The following GLG1 variants were observed in gnomAD, a reference collection of about 807,000 sequenced individuals.
GLG1 encodes golgi glycoprotein 1.
Under a neutral mutation model 160.5 loss-of-function variants are expected in GLG1, and 38 were observed. The ratio of observed to expected loss-of-function variants is 0.24; its 90% CI spans 0.18 to 0.31. The LOEUF (loss-of-function observed/expected upper bound fraction) is 0.31, where lower values mean the gene tolerates loss of function less well. Ranked by LOEUF, GLG1 falls within the 10% of genes least tolerant of loss-of-function variation. The pLI is 1.00. For missense variants in GLG1, 1,373 were observed against 1,505.2 expected, an observed-to-expected ratio of 0.91 and a Z score of 1.45; for synonymous variants, 644 against 543.4, an observed-to-expected ratio of 1.19 and a Z score of -2.57.
Position 74,603,984 on chromosome 16 carries a change from T to C in GLG1, c.438+2673A>G, listed in dbSNP as rs1209208199. Among the ~76,000 whole-genome samples, 5 of 138,430 alleles carry C rather than the reference T, an allele frequency of 3.6e-5. No individual in the cohort carries two copies. The Admixed American group carries it at 3.7e-4, about 10-fold the overall frequency. The allele number at this position is 138,430 out of a possible 152,430, so 90.8% of individuals were successfully genotyped here. ...AAAAGCATGACTCATCCGAGAGCGT[T>C]AAAAAAAAAAAAAAAGAATCCCAAG... On this transcript the variant is annotated intron_variant, in intron 1 of 25. Coordinates refer to ENST00000422840, the MANE Select transcript of GLG1 (RefSeq NM_001145667.2).
At chr16:74,494,934 T>C in intron 5 of GLG1, 103 bp from the exon 6 acceptor site, 2 of 598,958 alleles carry the variant, frequency 3.3e-6, no homozygotes, top group South Asian at 2.1e-5. Context: ...ATTATAATCG[T>C]ACATACCTTT....
chr16:74,590,795 CAAAAAAA>C (rs71158529), intron 1 of GLG1, among the ~76,000 whole-genome samples: 2 of 68,976 alleles, frequency 2.9e-5, no homozygotes, highest in African/African-American at 1.4e-4. Context: ...GAAACTGTCT[CAAAAAAA>C]AAAAAAAAAG....
chr16:74,477,210 T>A (rs2015414529), intron 12 of GLG1, among the ~76,000 whole-genome samples, 186 bp downstream of exon 12: 1 of 152,204 alleles, frequency 6.6e-6, no homozygotes, highest in Admixed American at 6.5e-5. Context: ...CTGCCAACTA[T>A]TCCTGATACA....
In GLG1 at chr16:74,538,949, T is replaced by C. The variant is rs184651586; in HGVS notation, c.439-6796A>G. 7.9e-3 allele frequency among the ~76,000 whole-genome samples: 1,195 copies of C among 151,870 alleles called. 3 individuals are homozygous for C. The highest frequency in any genetic ancestry group is 0.051 in the Middle Eastern group (15 of 294). ...GAGGGTACATTTGAATTAAGTCTTA[T>C]AGGCGGTTGTGGTTTGGTTAAGGAT... On this transcript the variant is annotated intron_variant, in intron 1 of 25. Coordinates refer to ENST00000422840, the MANE Select transcript of GLG1 (RefSeq NM_001145667.2).
chr16:74,466,703 T>A (rs1211211758), intron 18 of GLG1, among the ~76,000 whole-genome samples: 1 of 152,050 alleles, frequency 6.6e-6, no homozygotes, highest in Admixed American at 6.6e-5. Context: ...GAATAGGTAG[T>A]TATGAAAAGA....
intron 9 of GLG1, among the ~76,000 whole-genome samples, chr16:74,485,454 T>A (rs1462544219): frequency 6.6e-6 from 1 of 152,270 alleles, no homozygotes; most frequent in East Asian, 1.9e-4. Context: ...AAGTACAGAG[T>A]GCCAAAGTAT....
chr16:74,506,575 C>A (rs908071168), intron 3 of GLG1, among the ~76,000 whole-genome samples: 1 of 1,904 alleles, frequency 5.3e-4, no homozygotes, highest in African/African-American at 7.9e-4. Flanking sequence ...GAGCAAGACT[C>A]CGTCTCAAAA....
chr16:74,522,237 T>C (rs1043367295), intron 2 of GLG1, among the ~76,000 whole-genome samples: 3 of 152,216 alleles, frequency 2.0e-5, no homozygotes, highest in South Asian at 2.1e-4. Context: ...CTGCTACAAA[T>C]ATTTAGCCCT....
At chr16:74,497,293 AACAC>A (rs200732371) in intron 4 of GLG1, among the ~76,000 whole-genome samples, 1 of 14,994 alleles carries the variant, frequency 6.7e-5, no homozygotes, top group Non-Finnish European at 2.2e-4. Flanking sequence ...CTGTAAAAAA[AACAC>A]ACACACACAC....
At chr16:74,555,918 C>T (rs1039632804) in intron 1 of GLG1, among the ~76,000 whole-genome samples, 5 of 151,406 alleles carry the variant, frequency 3.3e-5, no homozygotes, top group African/African-American at 9.7e-5. Flanking sequence ...TGGCTCGCTG[C>T]AGCCTCACTC....
chr16:74,468,008 G>A (rs1030281710), intron 17 of GLG1, 160 bp from the exon 18 acceptor site: 14 of 574,778 alleles, frequency 2.4e-5, no homozygotes, highest in Non-Finnish European at 4.3e-5. Context: ...TTTCAATTCT[G>A]TCACCAAATA....
intron 1 of GLG1, among the ~76,000 whole-genome samples, chr16:74,605,133 T>G (rs373605302): frequency 3.9e-5 from 6 of 152,302 alleles, no homozygotes; most frequent in African/African-American, 1.4e-4. Context: ...TATTTCTGTA[T>G]GTAAAAACTG....
chr16:74,535,452 G>C (rs1336290221), intron 1 of GLG1, among the ~76,000 whole-genome samples: 3 of 152,094 alleles, frequency 2.0e-5, no homozygotes, highest in Non-Finnish European at 4.4e-5. Context: ...ATTTAGTTTT[G>C]AGATAGAGTC....
At chr16:74,579,881 G>A (rs1007829935) in intron 1 of GLG1, among the ~76,000 whole-genome samples, 5 of 151,620 alleles carry the variant, frequency 3.3e-5, no homozygotes, top group African/African-American at 9.7e-5. Flanking sequence ...TGGCCAACAT[G>A]GTGAAACCCC....
At chr16:74,493,964 C>A (rs2016092007) in intron 6 of GLG1, among the ~76,000 whole-genome samples, 1 of 151,736 alleles carries the variant, frequency 6.6e-6, no homozygotes, top group African/African-American at 2.4e-5. Context: ...CACCTGAGGT[C>A]AGGAGTTTGA....
At chr16:74,461,327 C>A (rs1363323707) in intron 22 of GLG1, among the ~76,000 whole-genome samples, 1 of 151,284 alleles carries the variant, frequency 6.6e-6, no homozygotes, top group Non-Finnish European at 1.5e-5. Context: ...GCCACCGGGC[C>A]GGGCTAATGT....
At position 74,604,875 on chromosome 16, in the gene GLG1, C is replaced by T. The variant is rs575985528; in HGVS notation, c.438+1782G>A. Among the ~76,000 whole-genome samples the T allele has an allele frequency of 4.6e-5, 7 of 152,110 alleles. No homozygotes were observed. The South Asian group carries it at 1.5e-3, about 32-fold the overall frequency. ...ACCATCCTGGCCAACATGGTGAAAC[C>T]CTGTCTCTACTAAAAATACAAAAAT... On this transcript the variant is annotated intron_variant, in intron 1 of 25. Coordinates refer to ENST00000422840, the MANE Select transcript of GLG1 (RefSeq NM_001145667.2).
chr16:74,471,887 G>C (rs1354396068), intron 14 of GLG1, among the ~76,000 whole-genome samples: 1 of 144,724 alleles, frequency 6.9e-6, no homozygotes, highest in East Asian at 2.1e-4. Flanking sequence ...CAGGATGGTA[G>C]CATCTCTCTC....
chr16:74,559,931 T>C (rs1413052182), intron 1 of GLG1, among the ~76,000 whole-genome samples: 1 of 152,166 alleles, frequency 6.6e-6, no homozygotes, highest in African/African-American at 2.4e-5. Flanking sequence ...GCACACAGAG[T>C]TCCCATATGC....
Sources: allele counts gnomAD v4.1 joint callset (sites outside exome capture counted in the v4.1 genomes callset), GRCh38; gene constraint gnomAD v4.1.1; transcripts MANE v1.5; gene names NCBI Gene and HGNC (gene_info 2026-07-23, HGNC 2026-07-21).